The following NIBAN1 variants were observed in gnomAD, a reference collection of about 807,000 sequenced individuals.
The protein encoded by NIBAN1 is niban apoptosis regulator 1, also known as protein Niban 1.
A neutral mutation model predicts 75.1 loss-of-function variants in NIBAN1; 81 were observed. The observed-to-expected ratio is 1.08, with a 90% confidence interval of 0.90 to 1.30. The LOEUF (loss-of-function observed/expected upper bound fraction) is 1.30, where lower values mean the gene tolerates loss of function less well. Ranked by LOEUF, NIBAN1 falls within the 50% of genes most tolerant of loss-of-function variation. The pLI is 0.00. For missense variants in NIBAN1, 1,133 were observed against 1,128.1 expected (o/e 1.00, Z -0.06); for synonymous variants, 436 against 424.8 (o/e 1.03, Z -0.32).
chr1:184,905,033 A>C (rs947776349), intron 1 of NIBAN1, among the ~76,000 whole-genome samples: 2 of 152,162 alleles, frequency 1.3e-5, no homozygotes, highest in South Asian at 2.1e-4. Flanking sequence ...TCAGCTCTTA[A>C]ACAGGAACAA....
intron 2 of NIBAN1, 54 bp downstream of exon 2, chr1:184,899,125 C>CAT: frequency 1.3e-6 from 2 of 1,595,630 alleles, no homozygotes; most frequent in Non-Finnish European, 1.7e-6. Context: ...TACGGCTGTG[C>CAT]TATATAGCCT....
chr1:184,884,709 G>A lies in NIBAN1; in HGVS notation c.525C>T (p.Tyr175=). 1.9e-6 allele frequency: 3 copies of A among 1,614,214 alleles called. No individual in the cohort carries two copies. Among genetic ancestry groups the A allele is most frequent in the Non-Finnish European group, 2.5e-6 (3 of 1,180,014 alleles). ...YLWQPFFRHG[Y]FCFHEAADQK... ...GGTCAGCAGCCTCGTGGAAGCAGAA[G>A]TAGCCGTGTCTGAAGAAGGGCTGCC... is the stretch of plus-strand genomic sequence containing the variant. The change falls in exon 5 of 14, where the codon TAC becomes TAT. Residue 175 remains tyrosine, a synonymous_variant. Transcript: ENST00000367511.
chr1:184,838,858 T>C (rs773420446), intron 5 of NIBAN1, among the ~76,000 whole-genome samples: 3 of 152,214 alleles, frequency 2.0e-5, no homozygotes, highest in South Asian at 2.1e-4. Context: ...CAAGCCCTGT[T>C]AGCTGATCTG....
At chr1:184,924,475 C>T (rs930693895) in intron 1 of NIBAN1, among the ~76,000 whole-genome samples, 3 of 152,160 alleles carry the variant, frequency 2.0e-5, no homozygotes, top group Non-Finnish European at 4.4e-5. Context: ...TTTGCATCAA[C>T]ATCCATCAAC....
chr1:184,817,033 C>A (rs1571487700), intron 9 of NIBAN1, among the ~76,000 whole-genome samples: 1 of 152,278 alleles, frequency 6.6e-6, no homozygotes, highest in Middle Eastern at 3.4e-3. Context: ...ACCTGCCCCT[C>A]ACCCTGCAAC....
At chr1:184,809,743 C>A (rs1451242083) in intron 9 of NIBAN1, among the ~76,000 whole-genome samples, 1 of 151,198 alleles carries the variant, frequency 6.6e-6, no homozygotes, top group African/African-American at 2.4e-5. Flanking sequence ...ATAATGCCAG[C>A]AATATTGAGA....
chr1:184,840,578 C>A (rs1450517499), intron 5 of NIBAN1, among the ~76,000 whole-genome samples: 1 of 151,984 alleles, frequency 6.6e-6, no homozygotes, highest in Non-Finnish European at 1.5e-5. Flanking sequence ...CCTTGTCCAG[C>A]TAAAGGCAGT....
chr1:184,932,691 T>G (rs1657856296), intron 1 of NIBAN1, among the ~76,000 whole-genome samples: 1 of 152,242 alleles, frequency 6.6e-6, no homozygotes, highest in Non-Finnish European at 1.5e-5. Flanking sequence ...TATTCTTTTC[T>G]TTTGTATATT....
chr1:184,970,718 T>C (rs1033577072), intron 1 of NIBAN1, among the ~76,000 whole-genome samples: 3 of 152,212 alleles, frequency 2.0e-5, no homozygotes, highest in African/African-American at 7.2e-5. Context: ...TATTTGCTGC[T>C]GGCAGGCCTG....
At chr1:184,862,339 T>G (rs1469909027) in intron 5 of NIBAN1, among the ~76,000 whole-genome samples, 1 of 151,798 alleles carries the variant, frequency 6.6e-6, no homozygotes, top group Non-Finnish European at 1.5e-5. Flanking sequence ...GAGATCTCAC[T>G]ATGTTGCCCA....
In NIBAN1 at chr1:184,794,932, C is replaced by T. The variant is rs114166873; in HGVS notation, c.*45G>A. ...GCAACCCCTAAGTGTACCCCTATAA[C>T]CCTTTGGCTTTTTTCAGAGAAAGAC... On this transcript the variant is annotated 3_prime_UTR_variant, in exon 14 of 14. Transcript: ENST00000367511. 6.8e-4 allele frequency: 1,090 copies of T among 1,601,614 alleles called. 8 individuals carry two copies. In the African/African-American group the frequency reaches 0.012, roughly 17 times the overall value.
intron 5 of NIBAN1, among the ~76,000 whole-genome samples, chr1:184,875,260 A>C (rs912056932): frequency 6.6e-6 from 1 of 152,174 alleles, no homozygotes; most frequent in Non-Finnish European, 1.5e-5. Flanking sequence ...AATTACCCCT[A>C]AAGTTAGTGG....
chr1:184,967,254 T>C (rs1658816865), intron 1 of NIBAN1, among the ~76,000 whole-genome samples: 1 of 152,046 alleles, frequency 6.6e-6, no homozygotes. Flanking sequence ...TACATATGTG[T>C]GTTAGTTTTG....
intron 6 of NIBAN1, among the ~76,000 whole-genome samples, chr1:184,824,201 A>G (rs1654782561): frequency 6.6e-6 from 1 of 152,180 alleles, no homozygotes; most frequent in Non-Finnish European, 1.5e-5. Context: ...CAAGGTATCA[A>G]AGTATCTCCA....
At chr1:184,852,550 G>A (rs1655569626) in intron 5 of NIBAN1, among the ~76,000 whole-genome samples, 1 of 152,186 alleles carries the variant, frequency 6.6e-6, no homozygotes, top group South Asian at 2.1e-4. Flanking sequence ...TGTGACTCGA[G>A]GTGAGTTACT....
intron 6 of NIBAN1, among the ~76,000 whole-genome samples, chr1:184,829,822 G>C (rs967553428): frequency 6.6e-6 from 1 of 152,088 alleles, no homozygotes; most frequent in East Asian, 1.9e-4. Context: ...TAGTTTCCAA[G>C]TGAAAGAAAA....
chr1:184,901,809 G>A (rs1656963752), intron 1 of NIBAN1, among the ~76,000 whole-genome samples: 1 of 152,120 alleles, frequency 6.6e-6, no homozygotes, highest in African/African-American at 2.4e-5. Flanking sequence ...AAATGCTTCT[G>A]TAATTTGAAT....
chr1:184,959,854 C>T (rs140902402), intron 1 of NIBAN1, among the ~76,000 whole-genome samples: 1 of 152,276 alleles, frequency 6.6e-6, no homozygotes, highest in African/African-American at 2.4e-5. Context: ...TGAGTGAAGT[C>T]CAGGAATTCT....
Position 184,884,827 on chromosome 1 carries a change from C to T in NIBAN1, c.434-27G>A, listed in dbSNP as rs200329257. 3.7e-6 allele frequency: 6 copies of T among 1,608,180 alleles called. No individual in the cohort carries two copies. The South Asian group carries it at 5.5e-5, about 15-fold the overall frequency. ...TAAAGAAATATTGAAAACACAAATA[C>T]CTTTTAAAACATGTATCTTTTATTT... On this transcript the variant is annotated intron_variant, in intron 4 of 13. Coordinates refer to ENST00000367511, the MANE Select transcript of NIBAN1 (RefSeq NM_052966.4).
Sources: allele counts gnomAD v4.1 joint callset (sites outside exome capture counted in the v4.1 genomes callset), GRCh38; gene constraint gnomAD v4.1.1; transcripts MANE v1.5; gene names NCBI Gene and HGNC (gene_info 2026-07-23, HGNC 2026-07-21).